Variants in OSBPL10 observed in about 807,000 individuals in gnomAD.
OSBPL10 encodes oxysterol-binding protein-related protein 10.
Under a neutral mutation model 81.7 loss-of-function variants are expected in OSBPL10, and 49 were observed. The ratio of observed to expected loss-of-function variants is 0.60; its 90% CI spans 0.48 to 0.76. The LOEUF (loss-of-function observed/expected upper bound fraction) is 0.76. OSBPL10 is among the 30% of genes least tolerant of loss of function. OSBPL10 has a pLI of 0.00. For synonymous variants in OSBPL10, 419 were observed against 383.6 expected (o/e 1.09, Z -1.08); for missense variants, 923 against 987.8 (o/e 0.93, Z 0.88).
chr3:32,035,118 G>A (rs547404283), intron 2 of OSBPL10, among the ~76,000 whole-genome samples: 1 of 152,190 alleles, frequency 6.6e-6, no homozygotes, highest in East Asian at 1.9e-4. Context: ...TAGGAGAGTG[G>A]GGCCGTAGGA....
intron 6 of OSBPL10, among the ~76,000 whole-genome samples, chr3:31,712,982 A>G (rs1191194622): frequency 6.6e-6 from 1 of 152,222 alleles, no homozygotes; most frequent in Non-Finnish European, 1.5e-5. Context: ...TATATCTAGA[A>G]TCTCATGGTT....
At chr3:31,824,288 A>C (rs1700050304) in intron 4 of OSBPL10, among the ~76,000 whole-genome samples, 1 of 152,152 alleles carries the variant, frequency 6.6e-6, no homozygotes, top group Admixed American at 6.5e-5. Context: ...GATCACCTTG[A>C]CAGTTGCTGT....
intron 6 of OSBPL10, among the ~76,000 whole-genome samples, chr3:31,720,846 C>T (rs960926997): frequency 6.5e-5 from 9 of 137,570 alleles, no homozygotes; most frequent in Non-Finnish European, 1.2e-4. Context: ...CACGCTACTG[C>T]ACTCCAGCCT....
chr3:31,990,966 G>C (rs758113912), intron 2 of OSBPL10: 1 of 1,573,884 alleles, frequency 6.4e-7, no homozygotes, highest in South Asian at 1.2e-5. Flanking sequence ...AGCGTGGCAA[G>C]GTCTTCAGTT....
intron 1 of OSBPL10, among the ~76,000 whole-genome samples, chr3:31,908,344 G>A (rs923911986): frequency 4.6e-5 from 7 of 152,168 alleles, no homozygotes; most frequent in African/African-American, 1.4e-4. Flanking sequence ...GGAGAAAGGG[G>A]GATCCACTAA....
chr3:31,738,776 T>C (rs901444724), intron 5 of OSBPL10, among the ~76,000 whole-genome samples: 5 of 152,306 alleles, frequency 3.3e-5, no homozygotes, highest in African/African-American at 1.2e-4. Context: ...CTATGCACCA[T>C]GTGCCCTCTC....
chr3:31,914,008 T>G (rs62243039), intron 1 of OSBPL10, among the ~76,000 whole-genome samples: 33,560 of 152,130 alleles, frequency 0.22, 3,805 homozygotes, highest in East Asian at 0.29. Context: ...CTGAAACCTC[T>G]GCCTCCTGGG....
At chr3:31,671,588 T>G (rs557510987) in intron 8 of OSBPL10, among the ~76,000 whole-genome samples, 2 of 152,082 alleles carry the variant, frequency 1.3e-5, no homozygotes, top group African/African-American at 2.4e-5. Context: ...CTCATGAAAA[T>G]AGAGAAATCA....
chr3:32,035,562 C>A (rs1358762014), intron 2 of OSBPL10, among the ~76,000 whole-genome samples: 468 of 90,720 alleles, frequency 5.2e-3, no homozygotes, highest in African/African-American at 7.7e-3. Context: ...AACTCTGTCT[C>A]AAAAAAAAAA....
chr3:32,077,442 G>A (rs543700619), exon 1 of OSBPL10: 47 of 152,424 alleles, frequency 3.1e-4, no homozygotes, highest in Admixed American at 2.5e-3. Flanking sequence ...GGGAGAGGCC[G>A]TTTCCTGATG....
At chr3:31,915,235 C>T (rs1696721121) in intron 1 of OSBPL10, among the ~76,000 whole-genome samples, 1 of 151,918 alleles carries the variant, frequency 6.6e-6, no homozygotes, top group African/African-American at 2.4e-5. Flanking sequence ...AAAATTTCCT[C>T]TTATTGGTGG....
intron 2 of OSBPL10, among the ~76,000 whole-genome samples, chr3:32,005,950 A>C (rs2125535878): frequency 6.7e-6 from 1 of 149,204 alleles, no homozygotes; most frequent in Non-Finnish European, 1.5e-5. Context: ...TTTTTATTTT[A>C]TTTTGTTTTT....
At chr3:31,978,487 A>G (rs1168654492) in intron 1 of OSBPL10, among the ~76,000 whole-genome samples, 3 of 152,158 alleles carry the variant, frequency 2.0e-5, no homozygotes, top group Non-Finnish European at 4.4e-5. Flanking sequence ...TCACTAATCC[A>G]TCTGTCCCTT....
intron 6 of OSBPL10, among the ~76,000 whole-genome samples, chr3:31,723,428 A>T (rs1207761021): frequency 6.6e-6 from 1 of 152,138 alleles, no homozygotes; most frequent in East Asian, 1.9e-4. Flanking sequence ...CTGCTGGTAC[A>T]GTACTTTCAA....
At chr3:31,914,412 A>C (rs546619726) in intron 1 of OSBPL10, among the ~76,000 whole-genome samples, 25 of 152,322 alleles carry the variant, frequency 1.6e-4, no homozygotes, top group African/African-American at 6.0e-4. Context: ...GTCTGTAAAT[A>C]TGCTTGTATT....
intron 1 of OSBPL10, among the ~76,000 whole-genome samples, chr3:32,047,398 C>T (rs1445794546): frequency 2.0e-5 from 3 of 152,054 alleles, no homozygotes; most frequent in South Asian, 2.1e-4. Flanking sequence ...GCTAAACAAG[C>T]GGTGGATTAT....
intron 6 of OSBPL10, among the ~76,000 whole-genome samples, chr3:31,723,295 A>G (rs1415053696): frequency 3.3e-5 from 5 of 152,182 alleles, no homozygotes; most frequent in Admixed American, 2.6e-4. Context: ...GCACCGCATG[A>G]CACCCAACTC....
intron 4 of OSBPL10, among the ~76,000 whole-genome samples, chr3:31,761,698 C>G (rs1176076717): frequency 6.6e-6 from 1 of 150,936 alleles, no homozygotes; most frequent in Non-Finnish European, 1.5e-5. Flanking sequence ...ACAATTGACA[C>G]CAGCTAATCC....
intron 4 of OSBPL10, among the ~76,000 whole-genome samples, chr3:31,767,280 C>T (rs547555909): frequency 6.6e-6 from 1 of 152,274 alleles, no homozygotes; most frequent in East Asian, 1.9e-4. Context: ...CTCCCACGAC[C>T]ATCACTAAGC....
Sources: allele counts gnomAD v4.1 joint callset (sites outside exome capture counted in the v4.1 genomes callset), GRCh38; gene constraint gnomAD v4.1.1; transcripts MANE v1.5; gene names NCBI Gene and HGNC (gene_info 2026-07-23, HGNC 2026-07-21).